Variants in WDFY2 observed in about 807,000 individuals in gnomAD.
The protein encoded by WDFY2 is WD repeat and FYVE domain-containing protein 2.
Under a neutral mutation model 56.4 loss-of-function variants are expected in WDFY2, and 36 were observed. That is an observed-to-expected ratio of 0.64 (90% CI 0.49 to 0.84). The LOEUF (loss-of-function observed/expected upper bound fraction) is 0.84, where lower values mean the gene tolerates loss of function less well. Among genes scored for constraint, WDFY2 ranks in the 40% least tolerant of loss-of-function variants. The pLI is 0.00. For missense variants in WDFY2, 444 were observed against 512.2 expected (o/e 0.87, Z 1.29); for synonymous variants, 176 against 183.7 (o/e 0.96, Z 0.34).
chr13:51,644,172 C>A (rs569152401), intron 1 of WDFY2, among the ~76,000 whole-genome samples: 1 of 152,256 alleles, frequency 6.6e-6, no homozygotes, highest in Admixed American at 6.5e-5. Context: ...AGTGCTTAAG[C>A]ATTAGTCAGT....
At chr13:51,627,535 AT>A (rs994394345) in intron 1 of WDFY2, among the ~76,000 whole-genome samples, 54 of 146,068 alleles carry the variant, frequency 3.7e-4, no homozygotes, top group South Asian at 4.3e-4. Context: ...CACCTGGCTA[AT>A]TTTTTTTTTT....
chr13:51,678,341 A>G (rs1350587775), intron 3 of WDFY2, among the ~76,000 whole-genome samples: 1 of 152,184 alleles, frequency 6.6e-6, no homozygotes. Flanking sequence ...TGGGAACTCA[A>G]TGAATAATTT....
chr13:51,585,823 T>C (rs953362935), intron 1 of WDFY2, among the ~76,000 whole-genome samples: 8 of 152,206 alleles, frequency 5.3e-5, no homozygotes, highest in African/African-American at 1.9e-4. Flanking sequence ...TGACTCAAAA[T>C]TGAGAGGCTG....
chr13:51,728,230 C>G (rs1952647281), intron 6 of WDFY2, among the ~76,000 whole-genome samples: 2 of 152,208 alleles, frequency 1.3e-5, no homozygotes, highest in Non-Finnish European at 2.9e-5. Context: ...CAGATATACT[C>G]TTCATGAGTA....
chr13:51,746,422 G>A (rs1039022292), intron 7 of WDFY2, among the ~76,000 whole-genome samples: 1 of 152,194 alleles, frequency 6.6e-6, no homozygotes, highest in Non-Finnish European at 1.5e-5. Context: ...CCAGGACCCT[G>A]TAAATCAGGT....
At chr13:51,651,965 C>A (rs1194795360) in intron 1 of WDFY2, among the ~76,000 whole-genome samples, 1 of 152,128 alleles carries the variant, frequency 6.6e-6, no homozygotes, top group African/African-American at 2.4e-5. Flanking sequence ...TGTTAACTTT[C>A]TGTCTCGTTG....
intron 7 of WDFY2, among the ~76,000 whole-genome samples, chr13:51,741,464 C>T (rs1952971652): frequency 6.6e-6 from 1 of 152,242 alleles, no homozygotes; most frequent in South Asian, 2.1e-4. Context: ...TAGAGTGGGT[C>T]TGAATGCCAG....
chr13:51,694,542 C>G (rs1354465703), intron 3 of WDFY2, among the ~76,000 whole-genome samples: 4 of 152,168 alleles, frequency 2.6e-5, no homozygotes, highest in African/African-American at 9.7e-5. Context: ...AGTTTCTGCC[C>G]AGAGATCCGC....
chr13:51,652,518 G>C (rs1025159064), intron 1 of WDFY2, among the ~76,000 whole-genome samples: 3 of 152,152 alleles, frequency 2.0e-5, no homozygotes, highest in Non-Finnish European at 4.4e-5. Context: ...TTTACAATTT[G>C]GCATGTCTTT....
intron 1 of WDFY2, among the ~76,000 whole-genome samples, chr13:51,607,057 C>G (rs1438551970): frequency 6.6e-6 from 1 of 152,178 alleles, no homozygotes; most frequent in African/African-American, 2.4e-5. Context: ...CATAAAAACT[C>G]TGTTCCCTAA....
chr13:51,643,088 A>G (rs1025881889), intron 1 of WDFY2, among the ~76,000 whole-genome samples: 5 of 152,176 alleles, frequency 3.3e-5, no homozygotes, highest in African/African-American at 9.7e-5. Flanking sequence ...TAAAATATAT[A>G]TAACATAAAG....
intron 3 of WDFY2, among the ~76,000 whole-genome samples, chr13:51,684,462 T>C (rs985033213): frequency 3.3e-5 from 5 of 151,814 alleles, no homozygotes; most frequent in African/African-American, 1.2e-4. Flanking sequence ...GATGTGAGGC[T>C]CCCGAAGGTT....
rs967410008 is a variant in WDFY2, at chr13:51,584,499, T to G, written c.-189T>G. ...GCTTGCATCCCAGGTCGTGGCGGTT[T>G]TGGTGCCTGAAGCAGGGAGCGCGGA... On this transcript the variant is annotated 5_prime_UTR_variant, in exon 1 of 12. Transcript: ENST00000298125. 1 of 732,312 alleles carries G rather than the reference T, an allele frequency of 1.4e-6. No individual in the cohort carries two copies. The highest frequency in any genetic ancestry group is 2.1e-6 in the Non-Finnish European group (1 of 478,712). 45.4% of individuals were successfully genotyped at this position (732,312 alleles called of 1,614,324 possible). A position where few individuals can be genotyped will look rare whatever the true frequency, so the allele number is the denominator to read the frequency against.
intron 1 of WDFY2, chr13:51,587,301 G>A (rs2138277889): frequency 6.6e-6 from 1 of 152,264 alleles, no homozygotes; most frequent in South Asian, 2.1e-4. Flanking sequence ...TCTTCTGTGA[G>A]TTCCCTATGG....
chr13:51,755,484 A>G, intron 9 of WDFY2, 25 bp downstream of exon 9: 2 of 1,600,942 alleles, frequency 1.2e-6, no homozygotes, highest in Non-Finnish European at 1.7e-6. Flanking sequence ...TGCTTCATCA[A>G]AATGTAATTA....
chr13:51,647,383 A>G (rs1226090171), intron 1 of WDFY2, among the ~76,000 whole-genome samples: 1 of 152,228 alleles, frequency 6.6e-6, no homozygotes, highest in Non-Finnish European at 1.5e-5. Flanking sequence ...TATACTGAAT[A>G]ATGTAGGCAA....
At chr13:51,757,480 G>T (rs1482016200) in intron 10 of WDFY2, among the ~76,000 whole-genome samples, 1 of 151,732 alleles carries the variant, frequency 6.6e-6, no homozygotes, top group Non-Finnish European at 1.5e-5. Context: ...TGTCCTGAGA[G>T]CCCACTGCAG....
chr13:51,656,707 G>T (rs1208001429), intron 1 of WDFY2, among the ~76,000 whole-genome samples: 1 of 151,836 alleles, frequency 6.6e-6, no homozygotes, highest in Non-Finnish European at 1.5e-5. Flanking sequence ...TTTTTTTGAT[G>T]AATTGACCCT....
intron 8 of WDFY2, among the ~76,000 whole-genome samples, chr13:51,752,388 C>CA (rs1161478167): frequency 2.0e-5 from 3 of 152,176 alleles, no homozygotes; most frequent in Non-Finnish European, 4.4e-5. Flanking sequence ...ACCATTAATA[C>CA]AAAGGCTGGG....
Sources: gnomAD v4.1 joint callset for allele counts (sites outside exome capture counted in the v4.1 genomes callset) on GRCh38, gnomAD v4.1.1 for gene constraint, MANE v1.5 for transcripts, NCBI Gene and HGNC (gene_info 2026-07-23, HGNC 2026-07-21) for gene names.